ESRRB: variants seen among roughly 807,000 people sequenced by gnomAD.
The protein encoded by ESRRB is steroid hormone receptor ERR2.
A neutral mutation model predicts 46.0 loss-of-function variants in ESRRB; 16 were observed. The ratio of observed to expected loss-of-function variants is 0.35; its 90% CI spans 0.24 to 0.53. ESRRB has a LOEUF of 0.53. Among genes scored for constraint, ESRRB ranks in the 20% least tolerant of loss-of-function variants. The pLI, the probability that ESRRB is intolerant of heterozygous loss-of-function variation, is 0.93. For synonymous variants in ESRRB, 246 were observed against 259.6 expected (o/e 0.95, Z 0.50); for missense variants, 488 against 607.4 (o/e 0.80, Z 2.07).
chr14:76,439,511 C>T lies in ESRRB; in HGVS notation c.221C>T (p.Ala74Val), dbSNP rs1689249489. The T allele has an allele frequency of 1.9e-6, 3 of 1,613,114 alleles. No individual in the cohort carries two copies. Among genetic ancestry groups the T allele is most frequent in the African/African-American group, 1.3e-5 (1 of 74,952 alleles). Residue 74 changes from alanine to valine, a missense_variant, in exon 2 of 7, where the codon GCC (alanine) becomes GTC (valine). Transcript: ENST00000644823. ...GGFGLALGTH[A>V]NGLDSPPMFA... The stretch of plus-strand genomic sequence containing the variant: ...TTTGGCCTGGCCCTGGGCACCCACG[C>T]CAACGGTCTGGACTCGCCACCCATG...
intron 1 of ESRRB, among the ~76,000 whole-genome samples, chr14:76,339,786 C>A (rs1331569794): frequency 6.6e-6 from 1 of 152,066 alleles, no homozygotes; most frequent in Non-Finnish European, 1.5e-5. Flanking sequence ...CCTCTATGGC[C>A]CCAGGAATGG....
Position 76,482,880 on chromosome 14 carries a change from T to C in ESRRB, c.850+121T>C. On this transcript the variant is annotated intron_variant, in intron 5 of 6. Coordinates refer to ENST00000644823, the MANE Select transcript of ESRRB (RefSeq NM_001379180.1). This position sits in a 1 kb window ranked among gnomAD's most constrained non-coding sequence, Gnocchi z 4.3. ...GGACCCCAGAAGGCCTGTGAAATCCTGGCAGGCCTGTTTCTCTGAGCTCCT... is the reference window on the plus strand; with the variant it reads ...GGACCCCAGAAGGCCTGTGAAATCCCGGCAGGCCTGTTTCTCTGAGCTCCT... 8.4e-7 allele frequency: 1 copy of C among 1,190,956 alleles called. No individual in the cohort carries two copies. Among genetic ancestry groups the C allele is most frequent in the East Asian group, 2.4e-5 (1 of 42,486 alleles). The allele number at this position is 1,190,956 out of a possible 1,614,324, so 73.8% of individuals were successfully genotyped here. A position where few individuals can be genotyped will look rare whatever the true frequency, so the allele number is the denominator to read the frequency against.
chr14:76,452,642 A>C (rs1310302912), intron 2 of ESRRB, among the ~76,000 whole-genome samples: 3 of 112,928 alleles, frequency 2.7e-5, no homozygotes, highest in Non-Finnish European at 5.3e-5. Flanking sequence ...CAAAACAAAA[A>C]CAAAACAAAA....
intron 3 of ESRRB, among the ~76,000 whole-genome samples, chr14:76,474,250 T>C (rs1889485408): frequency 6.6e-6 from 1 of 152,258 alleles, no homozygotes; most frequent in Non-Finnish European, 1.5e-5. Flanking sequence ...CCAGACTCTA[T>C]GACCTTCAAC....
intron 3 of ESRRB, among the ~76,000 whole-genome samples, chr14:76,478,395 T>A (rs1380392823): frequency 6.6e-6 from 1 of 151,980 alleles, no homozygotes; most frequent in Non-Finnish European, 1.5e-5. Context: ...TCGGCAGAGG[T>A]GGCAGCTGCC....
chr14:76,359,563 C>T (rs976088138), intron 1 of ESRRB, among the ~76,000 whole-genome samples: 3 of 152,286 alleles, frequency 2.0e-5, no homozygotes, highest in South Asian at 2.1e-4. Context: ...AGCCCACAGC[C>T]GATACATGGG....
rs1181378003 is a variant in ESRRB, at chr14:76,491,685, G to A, written c.1089G>A (p.Val363=). ...KKLKVEKEEF[V]TLKALALANS... ...TCAAGGTGGAGAAGGAGGAGTTTGT[G>A]ACGCTCAAGGCCCTGGCCCTCGCCA... Residue 363 remains valine (V), a synonymous_variant, in exon 6 of 7, where the codon GTG becomes GTA. Coordinates refer to ENST00000644823, the MANE Select transcript of ESRRB (RefSeq NM_001379180.1). 7.6e-6 allele frequency: 12 copies of A among 1,585,476 alleles called. No individual in the cohort carries two copies. The highest frequency in any genetic ancestry group is 1.0e-5 in the Non-Finnish European group (12 of 1,167,854).
At chr14:76,475,686 A>G (rs1247442894) in intron 3 of ESRRB, among the ~76,000 whole-genome samples, 1 of 152,056 alleles carries the variant, frequency 6.6e-6, no homozygotes, top group East Asian at 1.9e-4. Context: ...TTTTCCCCAC[A>G]CTACACAGAT....
At chr14:76,351,163 C>T (rs1884309287) in intron 1 of ESRRB, among the ~76,000 whole-genome samples, 1 of 152,166 alleles carries the variant, frequency 6.6e-6, no homozygotes, top group African/African-American at 2.4e-5. Context: ...AGGGAGCACA[C>T]CATCCCCATG....
Position 76,478,711 on chromosome 14 carries a change from G to A in ESRRB, c.578-3305G>A, listed in dbSNP as rs1026201281. ...ACCATTCCAAGGGGAAGCAGAACTT[G>A]GTGGAGGGTTTGGTTTGGCCTGGGT... On this transcript the variant is annotated intron_variant, in intron 3 of 6. Transcript: ENST00000644823. 2.0e-5 allele frequency among the ~76,000 whole-genome samples: 3 copies of A among 152,106 alleles called. No homozygotes were observed. In the East Asian group the frequency reaches 5.8e-4, roughly 29 times the overall value.
intron 1 of ESRRB, among the ~76,000 whole-genome samples, chr14:76,341,946 T>G (rs1354314558): frequency 2.6e-5 from 4 of 152,234 alleles, no homozygotes; most frequent in African/African-American, 7.2e-5. Context: ...GGTGGTACTC[T>G]GGCAAGAGTC....
At chr14:76,431,323 A>G (rs1394193600) in intron 1 of ESRRB, among the ~76,000 whole-genome samples, 3 of 152,092 alleles carry the variant, frequency 2.0e-5, no homozygotes, top group African/African-American at 7.2e-5. Context: ...CAAAACACCG[A>G]TGATGATCTC....
chr14:76,404,588 A>ACC (rs1436950491), intron 1 of ESRRB: 1 of 152,520 alleles, frequency 6.6e-6, no homozygotes. Context: ...AGCCACCTTC[A>ACC]CCTCTTCCTC....
chr14:76,421,402 T>C (rs1394272838), intron 1 of ESRRB, among the ~76,000 whole-genome samples: 1 of 152,220 alleles, frequency 6.6e-6, no homozygotes, highest in African/African-American at 2.4e-5. Context: ...CAGAGTTATT[T>C]TGAGGAGTAA....
intron 2 of ESRRB, among the ~76,000 whole-genome samples, chr14:76,454,067 G>A (rs1193345272): frequency 1.3e-5 from 2 of 152,182 alleles, no homozygotes; most frequent in Non-Finnish European, 2.9e-5. Flanking sequence ...TGTTGCAAGA[G>A]TCCCTGCAGA....
At chr14:76,478,174 G>A (rs1314551890) in intron 3 of ESRRB, among the ~76,000 whole-genome samples, 1 of 152,112 alleles carries the variant, frequency 6.6e-6, no homozygotes, top group Admixed American at 6.6e-5. Context: ...ACAGACTTTG[G>A]GGCAGGACTG....
chr14:76,351,706 T>C (rs879541295), intron 1 of ESRRB, among the ~76,000 whole-genome samples: 33 of 152,258 alleles, frequency 2.2e-4, no homozygotes, highest in Non-Finnish European at 1.6e-4. Context: ...TGCCACCATA[T>C]GCAAAAAGCT....
chr14:76,447,255 TTC>T (rs2139952651), intron 2 of ESRRB, among the ~76,000 whole-genome samples: 1 of 69,540 alleles, frequency 1.4e-5, no homozygotes, highest in South Asian at 4.0e-4. Context: ...CCTTCCTTCC[TTC>T]CTTCCTTCCT....
intron 3 of ESRRB, among the ~76,000 whole-genome samples, chr14:76,469,953 T>G (rs1221663891): frequency 2.2e-5 from 3 of 136,862 alleles, no homozygotes; most frequent in Non-Finnish European, 3.1e-5. Context: ...TCTTTTTTTT[T>G]TTTTTTTTTT....
Sources: gnomAD v4.1 joint callset for allele counts (sites outside exome capture counted in the v4.1 genomes callset) on GRCh38, gnomAD v4.1.1 for gene constraint, Gnocchi (gnomAD v3.1) non-coding constraint, MANE v1.5 for transcripts, NCBI Gene and HGNC (gene_info 2026-07-23, HGNC 2026-07-21) for gene names.